Variants in ETS1 observed in about 807,000 individuals in gnomAD.
ETS1 encodes protein C-ets-1.
Under a neutral mutation model 58.6 loss-of-function variants are expected in ETS1, and 15 were observed. That is an observed-to-expected ratio of 0.26 (90% CI 0.17 to 0.39). The LOEUF is 0.39. Ranked by LOEUF, ETS1 falls within the 10% of genes least tolerant of loss-of-function variation. The pLI, the probability that ETS1 is intolerant of heterozygous loss-of-function variation, is 1.00. For synonymous variants in ETS1, 214 were observed against 218.2 expected, an observed-to-expected ratio of 0.98 and a Z score of 0.17; for missense variants, 417 against 610.5, an observed-to-expected ratio of 0.68 and a Z score of 3.34.
At position 128,463,750 on chromosome 11, in the gene ETS1, G is replaced by C. The variant is rs1861961921; in HGVS notation, c.1124-123C>G. The C allele has an allele frequency of 3.0e-6, 2 of 674,052 alleles. No individual in the cohort carries two copies. 41.8% of individuals were successfully genotyped at this position (674,052 alleles called of 1,614,324 possible). Reference sequence around the variant, plus strand: ...CCCATCCAGCCAGGAGAAAATGAAGGCAACAGACAGTGCACATGTCGGAGG... The same window carrying C: ...CCCATCCAGCCAGGAGAAAATGAAGCCAACAGACAGTGCACATGTCGGAGG... On this transcript the variant is annotated intron_variant, in intron 8 of 9. Transcript: ENST00000392668. The surrounding 1 kb of genome is among the most constrained non-coding windows in gnomAD (Gnocchi z 4.1).
chr11:128,534,749 C>T (rs926032391), intron 3 of ETS1, among the ~76,000 whole-genome samples: 5 of 152,174 alleles, frequency 3.3e-5, no homozygotes, highest in African/African-American at 1.2e-4. Flanking sequence ...CTACAAAGGA[C>T]ATGATCTTGT....
intron 3 of ETS1, among the ~76,000 whole-genome samples, chr11:128,517,271 C>T (rs927067356): frequency 2.0e-5 from 3 of 152,344 alleles, no homozygotes; most frequent in African/African-American, 4.8e-5. Flanking sequence ...CCAGCATTGC[C>T]TTCTCACCTG....
At chr11:128,546,524 C>T (rs1864135213) in intron 3 of ETS1, among the ~76,000 whole-genome samples, 1 of 152,094 alleles carries the variant, frequency 6.6e-6, no homozygotes, top group South Asian at 2.1e-4. Context: ...CACTTTAAGT[C>T]ATCTCAAATT....
At chr11:128,570,547 A>AT (rs1306821521) in intron 2 of ETS1, among the ~76,000 whole-genome samples, 2 of 152,098 alleles carry the variant, frequency 1.3e-5, no homozygotes, top group Non-Finnish European at 2.9e-5. Flanking sequence ...CAGCCATGGC[A>AT]TTTCATTCTT....
intron 8 of ETS1, among the ~76,000 whole-genome samples, chr11:128,466,241 A>C (rs1442790258): frequency 6.6e-6 from 1 of 152,058 alleles, no homozygotes; most frequent in African/African-American, 2.4e-5. Context: ...TCTCCTTCCC[A>C]ATGTTCACCT....
chr11:128,480,731 T>C (rs1321403710), intron 7 of ETS1, among the ~76,000 whole-genome samples: 1 of 152,128 alleles, frequency 6.6e-6, no homozygotes, highest in Non-Finnish European at 1.5e-5. Flanking sequence ...CTCACATCTG[T>C]CGGAGTAGCG....
At chr11:128,510,641 G>A (rs1863367773) in intron 3 of ETS1, among the ~76,000 whole-genome samples, 1 of 152,160 alleles carries the variant, frequency 6.6e-6, no homozygotes. Flanking sequence ...GGCAAGCATT[G>A]AAGTTAGTGC....
intron 3 of ETS1, among the ~76,000 whole-genome samples, chr11:128,504,710 C>T (rs761870311): frequency 1.3e-5 from 2 of 152,136 alleles, no homozygotes; most frequent in African/African-American, 2.4e-5. Context: ...TTTTCCTCTA[C>T]ATCATTGCTG....
intron 8 of ETS1, among the ~76,000 whole-genome samples, chr11:128,473,643 G>C (rs1017072291): frequency 3.3e-5 from 5 of 152,176 alleles, no homozygotes; most frequent in Admixed American, 3.3e-4. Flanking sequence ...CTACCTGCAG[G>C]CATCCCCAAG....
intron 3 of ETS1, among the ~76,000 whole-genome samples, chr11:128,524,920 A>G (rs1323852957): frequency 1.3e-5 from 2 of 152,140 alleles, no homozygotes; most frequent in African/African-American, 2.4e-5. Context: ...CCACTCGGTT[A>G]CATGTATGCC....
chr11:128,483,713 G>A (rs1862550378), intron 7 of ETS1, among the ~76,000 whole-genome samples: 2 of 152,212 alleles, frequency 1.3e-5, no homozygotes, highest in South Asian at 4.1e-4. Context: ...AATACTCGAA[G>A]AAGACGACAA....
intron 1 of ETS1, among the ~76,000 whole-genome samples, chr11:128,582,150 C>G (rs1591680483): frequency 6.6e-6 from 1 of 152,168 alleles, no homozygotes; most frequent in Non-Finnish European, 1.5e-5. Flanking sequence ...TCAATCTTCT[C>G]ATTTATTTCA....
At chr11:128,481,473 C>T (rs768152181) in intron 7 of ETS1, among the ~76,000 whole-genome samples, 2 of 151,230 alleles carry the variant, frequency 1.3e-5, no homozygotes, top group Non-Finnish European at 2.9e-5. Context: ...AATCTAAGAG[C>T]GAAAAAGGCT....
At chr11:128,538,755 TAC>T (rs141065992) in intron 3 of ETS1, among the ~76,000 whole-genome samples, 1,658 of 144,756 alleles carry the variant, frequency 0.011, 19 homozygotes, top group South Asian at 0.021. Context: ...CATACACACA[TAC>T]ACACACACAC....
chr11:128,473,219 C>T (rs1000415811), intron 8 of ETS1, among the ~76,000 whole-genome samples: 3 of 152,158 alleles, frequency 2.0e-5, no homozygotes, highest in East Asian at 1.9e-4. Flanking sequence ...ATGCCTGCTA[C>T]GCCCCATGAC....
intron 8 of ETS1, among the ~76,000 whole-genome samples, chr11:128,470,108 T>G (rs1383715540): frequency 6.6e-6 from 1 of 152,230 alleles, no homozygotes; most frequent in Non-Finnish European, 1.5e-5. Context: ...AAACTTGTAT[T>G]TGTTGCTGAG....
At chr11:128,532,281 G>A (rs1018515505) in intron 3 of ETS1, among the ~76,000 whole-genome samples, 2 of 152,188 alleles carry the variant, frequency 1.3e-5, no homozygotes, top group African/African-American at 4.8e-5. Context: ...CTTAGGGAAA[G>A]GTTTCTCTTA....
intron 3 of ETS1, chr11:128,522,168 G>A (rs1189156166): frequency 2.2e-5 from 28 of 1,296,104 alleles, no homozygotes; most frequent in East Asian, 3.2e-5. Context: ...GTGCGCGCCC[G>A]GCACTCCAGG....
intron 2 of ETS1, among the ~76,000 whole-genome samples, chr11:128,568,832 G>A (rs982199334): frequency 5.9e-5 from 9 of 152,180 alleles, no homozygotes; most frequent in African/African-American, 1.9e-4. Context: ...ATCTTCAGGC[G>A]CAGAAAATAC....
Sources: gnomAD v4.1 joint callset for allele counts (sites outside exome capture counted in the v4.1 genomes callset) on GRCh38, gnomAD v4.1.1 for gene constraint, Gnocchi (gnomAD v3.1) non-coding constraint, MANE v1.5 for transcripts, NCBI Gene and HGNC (gene_info 2026-07-23, HGNC 2026-07-21) for gene names.